Variants in AP2A1 observed in about 807,000 individuals in gnomAD.
AP2A1 encodes AP-2 complex subunit alpha-1.
Under a neutral mutation model 107.3 loss-of-function variants are expected in AP2A1, and 21 were observed. That is an observed-to-expected ratio of 0.20 (90% CI 0.14 to 0.28). AP2A1 has a LOEUF of 0.28. Ranked by LOEUF, AP2A1 falls within the 10% of genes least tolerant of loss-of-function variation. The pLI is 1.00. For synonymous variants in AP2A1, 602 were observed against 564.8 expected (o/e 1.07, Z -0.93); for missense variants, 873 against 1,307.7 (o/e 0.67, Z 5.13).
At chr19:49,790,933 T>G (rs2073133762) in intron 4 of AP2A1, among the ~76,000 whole-genome samples, 1 of 152,230 alleles carries the variant, frequency 6.6e-6, no homozygotes, top group African/African-American at 2.4e-5. Flanking sequence ...ATCACGCTGA[T>G]TCTCTGCTCA....
At chr19:49,770,848 A>C (rs2084548821) in intron 1 of AP2A1, among the ~76,000 whole-genome samples, 1 of 151,972 alleles carries the variant, frequency 6.6e-6, no homozygotes, top group African/African-American at 2.4e-5. Flanking sequence ...TCATGAATGC[A>C]TAGGTTCTTT....
chr19:49,775,008 G>C (rs562649114), intron 1 of AP2A1, among the ~76,000 whole-genome samples: 129 of 151,904 alleles, frequency 8.5e-4, no homozygotes, highest in African/African-American at 3.0e-3. Context: ...CAGTTTGGTT[G>C]AGCCCAGGAG....
chr19:49,771,760 C>T (rs2084560626), intron 1 of AP2A1, among the ~76,000 whole-genome samples: 1 of 151,948 alleles, frequency 6.6e-6, no homozygotes, highest in South Asian at 2.1e-4. Context: ...GTCCTAAGCC[C>T]AGTGAGGAAG....
At chr19:49,782,164 T>C in intron 3 of AP2A1, 75 bp downstream of exon 3, 1 of 327,512 alleles carries the variant, frequency 3.1e-6, no homozygotes, top group Non-Finnish European at 4.0e-6. Flanking sequence ...TCTGGACTCC[T>C]GGATCTGGGG....
At chr19:49,802,665 A>T in intron 15 of AP2A1, 2 of 1,418,280 alleles carry the variant, frequency 1.4e-6, no homozygotes, top group Non-Finnish European at 1.9e-6. Flanking sequence ...AGGGAGAGTT[A>T]GGGGACTGGG....
At position 49,805,548 on chromosome 19, in the gene AP2A1, A is replaced by C; in HGVS notation, c.2440A>C (p.Thr814Pro). The change falls in exon 19 of 23, where the codon ACG (threonine) becomes CCG (proline). Residue 814 changes from threonine (T) to proline (P), a missense_variant. By Grantham distance (38) the Thr-to-Pro change is conservative (BLOSUM62 -1). This residue lies in a region of AP2A1 where 416 missense variants were observed against 473.4 expected (regional missense o/e 0.88). Coordinates refer to ENST00000354293, the MANE Select transcript of AP2A1 (RefSeq NM_130787.3). ...TATCGAGTGCCTGCGGGACTTCCTGACGCCCCCGCTGCTGTCCGTGCGCTT... is the reference window on the plus strand; with the variant it reads ...TATCGAGTGCCTGCGGGACTTCCTGCCGCCCCCGCTGCTGTCCGTGCGCTT... ...LNIECLRDFL[T>P]PPLLSVRFRY... 1 of 1,577,174 alleles carries C rather than the reference A, an allele frequency of 6.3e-7. No homozygotes were observed. The highest frequency in any genetic ancestry group is 8.6e-7 in the Non-Finnish European group (1 of 1,162,316).
At chr19:49,802,228 C>T (rs1568588014) in intron 15 of AP2A1, 87 bp downstream of exon 15, 6 of 1,090,272 alleles carry the variant, frequency 5.5e-6, no homozygotes, top group Admixed American at 2.0e-5. Context: ...CCCTGAGCCC[C>T]TCCCCCGCCC....
chr19:49,802,376 C>T (rs1232040389), intron 15 of AP2A1: 2 of 909,666 alleles, frequency 2.2e-6, no homozygotes, highest in South Asian at 2.8e-5. Context: ...GTCTCCTTTC[C>T]TGTCACCGTT....
At chr19:49,783,073 A>G (rs1407932491) in intron 4 of AP2A1, among the ~76,000 whole-genome samples, 3 of 152,162 alleles carry the variant, frequency 2.0e-5, no homozygotes, top group Non-Finnish European at 4.4e-5. Context: ...CTGAGCACAT[A>G]CTATGTGCCA....
chr19:49,778,029 TATG>T (rs1168599032), intron 1 of AP2A1, among the ~76,000 whole-genome samples: 4 of 150,670 alleles, frequency 2.7e-5, no homozygotes, highest in South Asian at 2.1e-4. Context: ...TATAAGTACA[TATG>T]ATATATATTT....
At chr19:49,783,729 T>G (rs989334212) in intron 4 of AP2A1, among the ~76,000 whole-genome samples, 1 of 152,210 alleles carries the variant, frequency 6.6e-6, no homozygotes, top group Non-Finnish European at 1.5e-5. Context: ...AGTATCGGTT[T>G]TGGGGCCCTG....
At chr19:49,800,440 A>G (rs1021443291) in intron 11 of AP2A1, among the ~76,000 whole-genome samples, 1 of 151,934 alleles carries the variant, frequency 6.6e-6, no homozygotes, top group Non-Finnish European at 1.5e-5. Context: ...GGCCCCACAC[A>G]GTCCTGTTTT....
chr19:49,768,065 G>C (rs1334359832), intron 1 of AP2A1, among the ~76,000 whole-genome samples: 2 of 152,038 alleles, frequency 1.3e-5, no homozygotes, highest in African/African-American at 4.8e-5. Context: ...AAGGCGTTGG[G>C]TTCTGAAGTG....
chr19:49,802,178 A>AC (rs1276342579), intron 15 of AP2A1, 37 bp downstream of exon 15: 8 of 1,486,168 alleles, frequency 5.4e-6, no homozygotes, highest in Middle Eastern at 3.4e-4. Context: ...TCTCGCGGCC[A>AC]CCCCCAGGGC....
rs915369322 is a variant in AP2A1 at position 49,798,827 on chromosome 19, G to A, written c.840G>A (p.Leu280=). 2 of 1,604,020 alleles carry A rather than the reference G, an allele frequency of 1.2e-6. No homozygotes were observed. Among genetic ancestry groups the A allele is most frequent in the African/African-American group, 1.3e-5 (1 of 74,764 alleles). Residue 280 remains leucine, a synonymous_variant, in exon 8 of 23, where the codon CTG becomes CTA. Transcript: ENST00000354293. Reference sequence around the variant, plus strand: ...AGGATGCGGCTGTGAAGGGGCGGCTGGTGGAATGTCTGGAGACTGTGCTCA... The same window carrying A: ...AGGATGCGGCTGTGAAGGGGCGGCTAGTGGAATGTCTGGAGACTGTGCTCA... ...PPEDAAVKGR[L]VECLETVLNK... is the part of the protein sequence containing the mutation.
chr19:49,801,700 T>C, intron 13 of AP2A1, 22 bp from the exon 14 acceptor site: 1 of 1,277,458 alleles, frequency 7.8e-7, no homozygotes, highest in South Asian at 1.3e-5. Flanking sequence ...CGAACTGACC[T>C]TCCCCACCCC....
At chr19:49,789,643 A>G (rs1600229071) in intron 4 of AP2A1, among the ~76,000 whole-genome samples, 1 of 135,918 alleles carries the variant, frequency 7.4e-6, no homozygotes, top group African/African-American at 2.8e-5. Context: ...TGGCCTGGCC[A>G]GGCCGGTCTC....
chr19:49,801,119 G>C (rs1362456389), intron 12 of AP2A1, 61 bp downstream of exon 12: 1 of 1,458,686 alleles, frequency 6.9e-7, no homozygotes, highest in East Asian at 2.5e-5. Flanking sequence ...CAGGGCTTGG[G>C]GGATCCCCAG....
chr19:49,783,046 C>G (rs1175936351), intron 4 of AP2A1, among the ~76,000 whole-genome samples: 1 of 152,230 alleles, frequency 6.6e-6, no homozygotes, highest in Non-Finnish European at 1.5e-5. Context: ...CTTCTCCATT[C>G]ATTCACCAAA....
Sources: gnomAD v4.1 joint callset for allele counts (sites outside exome capture counted in the v4.1 genomes callset) on GRCh38, gnomAD v4.1.1 for gene constraint, gnomAD v4.1.1 regional missense constraint, MANE v1.5 for transcripts, NCBI Gene and HGNC (gene_info 2026-07-23, HGNC 2026-07-21) for gene names.